The following USP26 variants were observed in gnomAD, a reference collection of about 807,000 sequenced individuals.
USP26 encodes the protein ubiquitin carboxyl-terminal hydrolase 26.
For synonymous variants in USP26, 236 were observed against 240.6 expected, an observed-to-expected ratio of 0.98 and a Z score of 0.18; for missense variants, 649 against 642.3, an observed-to-expected ratio of 1.01 and a Z score of -0.11.
chrX:133,071,808 A>C (rs2067531599), intron 5 of USP26, among the ~76,000 whole-genome samples: 1 of 111,066 alleles, frequency 9.0e-6, no homozygotes, highest in Non-Finnish European at 1.9e-5. Flanking sequence ...TGGACTGTGC[A>C]TTCCCTTCAT....
At position 133,026,614 on chromosome X, in the gene USP26, T is replaced by G; in HGVS notation, c.1607A>C (p.Asp536Ala). The change falls in exon 6 of 6, where the codon GAC (aspartate) becomes GCC (alanine). Residue 536 changes from aspartate to alanine, a missense_variant. Physicochemically the swap from Asp to Ala is moderately radical, Grantham distance 126. Coordinates refer to ENST00000511190, the MANE Select transcript of USP26 (RefSeq NM_031907.3). ...ATATTTGGAAATGATGACTTCCTGGTCATTCTTCTTTAATGCACAAAACTC... is the reference window on the plus strand; with the variant it reads ...ATATTTGGAAATGATGACTTCCTGGGCATTCTTCTTTAATGCACAAAACTC... ...LNEFCALKKN[D>A]QEVIISKYLK... 2 of 1,207,751 alleles carry G rather than the reference T, an allele frequency of 1.7e-6. No homozygotes were observed.
At chrX:133,038,037 AG>A (rs146805298) in intron 5 of USP26, among the ~76,000 whole-genome samples, 1,551 of 111,647 alleles carry the variant, frequency 0.014, 24 homozygotes, top group East Asian at 0.1. Context: ...AATTTGCTGA[AG>A]TTGTTTATTA....
chrX:133,077,261 A>G (rs189303926), intron 5 of USP26, among the ~76,000 whole-genome samples: 137 of 112,303 alleles, frequency 1.2e-3, no homozygotes, highest in African/African-American at 4.3e-3. Context: ...ATGTTTGTGT[A>G]GCCTAGAGCT....
At chrX:133,050,673 A>G (rs2067456212) in intron 5 of USP26, among the ~76,000 whole-genome samples, 1 of 111,929 alleles carries the variant, frequency 8.9e-6, no homozygotes, top group Non-Finnish European at 1.9e-5. Flanking sequence ...TATCTACTTA[A>G]AAGAATGTTG....
intron 5 of USP26, among the ~76,000 whole-genome samples, chrX:133,041,829 G>A (rs746412567): frequency 8.9e-6 from 1 of 112,206 alleles, no homozygotes; most frequent in Non-Finnish European, 1.9e-5. Context: ...TTCCTCCTAC[G>A]TGCTCTGTCC....
intron 5 of USP26, among the ~76,000 whole-genome samples, chrX:133,039,149 G>A (rs368425440): frequency 3.6e-5 from 4 of 110,055 alleles, no homozygotes; most frequent in East Asian, 2.8e-4. Context: ...ACAGTTTTTC[G>A]TGTCTCTATC....
At chrX:133,052,105 A>G (rs186421659) in intron 5 of USP26, among the ~76,000 whole-genome samples, 5 of 112,457 alleles carry the variant, frequency 4.4e-5, no homozygotes, top group Admixed American at 9.4e-5. Context: ...CAATATCAGT[A>G]AAAGGCAGTA....
At chrX:133,038,961 T>C (rs1315587527) in intron 5 of USP26, among the ~76,000 whole-genome samples, 1 of 112,253 alleles carries the variant, frequency 8.9e-6, no homozygotes, top group Non-Finnish European at 1.9e-5. Flanking sequence ...GAGGTGTTTA[T>C]AGTATTCTCT....
At chrX:133,031,782 G>A (rs187002660) in intron 5 of USP26, among the ~76,000 whole-genome samples, 1 of 111,820 alleles carries the variant, frequency 8.9e-6, no homozygotes, top group Non-Finnish European at 1.9e-5. Flanking sequence ...ATTCTAGCAG[G>A]GGGATAGAAA....
chrX:133,038,060 T>C (rs780495300), intron 5 of USP26, among the ~76,000 whole-genome samples: 1 of 111,585 alleles, frequency 9.0e-6, no homozygotes, highest in African/African-American at 3.3e-5. Flanking sequence ...CTTAAGGAGA[T>C]TTGGGGCTGA....
chrX:133,028,007 G>A lies in USP26; in HGVS notation c.214C>T (p.His72Tyr). ...CCATTATTATTTTGTAAAGTTAAATGCAGGTGATTTTGGTTTCCTCTATAG... is the reference window on the plus strand; with the variant it reads ...CCATTATTATTTTGTAAAGTTAAATACAGGTGATTTTGGTTTCCTCTATAG... ...KSYRGNQNHL[H>Y]LTLQNNNGLF... The change falls in exon 6 of 6, where the codon CAT becomes TAT. Residue 72 changes from histidine (H) to tyrosine (Y), a missense_variant. His to Tyr is a moderately conservative substitution (Grantham distance 83). Transcript: ENST00000511190. 1 of 1,211,148 alleles carries A rather than the reference G, an allele frequency of 8.3e-7. No individual in the cohort carries two copies. Among genetic ancestry groups the A allele is most frequent in the South Asian group, 1.8e-5 (1 of 56,954 alleles).
chrX:133,029,032 C>T (rs1318272287), intron 5 of USP26, among the ~76,000 whole-genome samples: 6 of 112,569 alleles, frequency 5.3e-5, no homozygotes, highest in African/African-American at 1.6e-4. Context: ...CCCACTTAAC[C>T]GGAGCTAGCT....
At chrX:133,084,091 T>C (rs1324485938) in intron 4 of USP26, among the ~76,000 whole-genome samples, 1 of 112,446 alleles carries the variant, frequency 8.9e-6, no homozygotes, top group East Asian at 2.8e-4. Context: ...AGAGTGCTTA[T>C]GCAGTACTCC....
intron 1 of USP26, 76 bp downstream of exon 1, chrX:133,096,954 T>C (rs773089717): frequency 5.3e-5 from 6 of 112,648 alleles, no homozygotes; most frequent in African/African-American, 1.9e-4. Flanking sequence ...ACATTTCATA[T>C]AGCCACATAT....
At chrX:133,040,991 T>C (rs1474966314) in intron 5 of USP26, among the ~76,000 whole-genome samples, 2 of 110,091 alleles carry the variant, frequency 1.8e-5, no homozygotes, top group African/African-American at 3.3e-5. Flanking sequence ...ATTCAGCTAT[T>C]GATACTTGTT....
intron 5 of USP26, among the ~76,000 whole-genome samples, chrX:133,068,232 T>C (rs1569510712): frequency 9.0e-6 from 1 of 111,020 alleles, no homozygotes; most frequent in Non-Finnish European, 1.9e-5. Context: ...AAGAGAACAA[T>C]AGACACCAGG....
chrX:133,062,310 G>C (rs2067496332), intron 5 of USP26, among the ~76,000 whole-genome samples: 1 of 111,882 alleles, frequency 8.9e-6, no homozygotes, highest in African/African-American at 3.2e-5. Flanking sequence ...GCAGCTGTGG[G>C]CACAGCTTCA....
At chrX:133,037,325 T>C (rs1349778120) in intron 5 of USP26, among the ~76,000 whole-genome samples, 1 of 112,417 alleles carries the variant, frequency 8.9e-6, no homozygotes, top group African/African-American at 3.2e-5. Flanking sequence ...ATTTAAGTCT[T>C]TAATCCATCT....
intron 5 of USP26, among the ~76,000 whole-genome samples, chrX:133,057,117 A>T (rs998579838): frequency 9.0e-6 from 1 of 111,397 alleles, no homozygotes; most frequent in African/African-American, 3.3e-5. Flanking sequence ...TCTGGGATAC[A>T]TGTGCAGAAT....
Sources: gnomAD v4.1 joint callset for allele counts (sites outside exome capture counted in the v4.1 genomes callset) on GRCh38, gnomAD v4.1.1 for gene constraint, MANE v1.5 for transcripts, NCBI Gene and HGNC (gene_info 2026-07-23, HGNC 2026-07-21) for gene names.